The following DENND4A variants were observed in gnomAD, a reference collection of about 807,000 sequenced individuals.
DENND4A encodes the protein C-myc promoter-binding protein.
DENND4A carries 70 observed loss-of-function variants against 199.3 expected under a neutral mutation model. The ratio of observed to expected loss-of-function variants is 0.35; its 90% CI spans 0.29 to 0.43. The LOEUF (loss-of-function observed/expected upper bound fraction) is 0.43, where lower values mean the gene tolerates loss of function less well. Ranked by LOEUF, DENND4A falls within the 20% of genes least tolerant of loss-of-function variation. The probability of loss-of-function intolerance (pLI) is 1.00; values close to 1 mark genes in which losing one functional copy is unlikely to be tolerated. For synonymous variants in DENND4A, 686 were observed against 766.9 expected (o/e 0.89, Z 1.74); for missense variants, 1,723 against 2,255.8 (o/e 0.76, Z 4.78).
chr15:65,779,851 T>A (rs1306789318), intron 1 of DENND4A, among the ~76,000 whole-genome samples: 1 of 152,174 alleles, frequency 6.6e-6, no homozygotes, highest in East Asian at 1.9e-4. Flanking sequence ...GGTTTTGCCA[T>A]GTTGGCCAGG....
Position 65,741,917 on chromosome 15 carries a change from G to A in DENND4A, c.562-133C>T, listed in dbSNP as rs370749972. Reference sequence around the variant, plus strand: ...AATTTCCCTCTGCTAGCTATTTTCAGTTGGCTGTTTTGTCAATATTTTATT... The same window carrying A: ...AATTTCCCTCTGCTAGCTATTTTCAATTGGCTGTTTTGTCAATATTTTATT... On this transcript the variant is annotated intron_variant, in intron 4 of 32. Transcript: ENST00000443035. 490 of 572,490 alleles carry A rather than the reference G, an allele frequency of 8.6e-4. 8 individuals are homozygous for A. In the South Asian group the frequency reaches 0.015, roughly 17 times the overall value. The allele number at this position is 572,490 out of a possible 1,614,324, so 35.5% of individuals were successfully genotyped here.
Position 65,661,680 on chromosome 15 carries a change from C to G in DENND4A, c.*171G>C. 6.2e-6 allele frequency: 3 copies of G among 483,630 alleles called. No individual in the cohort carries two copies. The highest frequency in any genetic ancestry group is 1.0e-5 in the Non-Finnish European group (3 of 294,892). 30.0% of individuals were successfully genotyped at this position (483,630 alleles called of 1,614,324 possible). A position where few individuals can be genotyped will look rare whatever the true frequency, so the allele number is the denominator to read the frequency against. ...GAGAAACAAAGTGGCTTTCTCCCCA[C>G]TTGTCACTATTCTCTTCTTCAAACA... On this transcript the variant is annotated 3_prime_UTR_variant, in exon 33 of 33. Transcript: ENST00000443035.
chr15:65,709,133 A>G (rs951913219), intron 14 of DENND4A, among the ~76,000 whole-genome samples: 2 of 152,222 alleles, frequency 1.3e-5, no homozygotes, highest in Non-Finnish European at 2.9e-5. Flanking sequence ...CTAAACTGCC[A>G]GAGGTAAGAG....
intron 14 of DENND4A, among the ~76,000 whole-genome samples, chr15:65,707,159 T>G (rs552932476): frequency 1.3e-5 from 2 of 152,124 alleles, no homozygotes; most frequent in Non-Finnish European, 2.9e-5. Context: ...ACTTTGGTAG[T>G]ACTATTTCCA....
At chr15:65,718,057 A>G (rs912035021) in intron 12 of DENND4A, 61 bp from the exon 13 acceptor site, 1 of 1,255,322 alleles carries the variant, frequency 8.0e-7, no homozygotes, top group African/African-American at 1.5e-5. Flanking sequence ...TGATGGTACC[A>G]ATATAATTTT....
rs1340961604 is a variant in DENND4A, at chr15:65,756,460, CAGA to C, written c.-13_-11del. 3 of 1,589,318 alleles carry C rather than the reference CAGA, an allele frequency of 1.9e-6. No homozygotes were observed. Among genetic ancestry groups the C allele is most frequent in the African/African-American group, 1.4e-5 (1 of 73,642 alleles). On this transcript the variant is annotated 5_prime_UTR_variant, in exon 3 of 33. Coordinates refer to ENST00000443035, the MANE Select transcript of DENND4A (RefSeq NM_001320835.1). ...CCTTGTCTTCAATCATCTTCCATTA[CAGA>C]AGGTTACATCTAAAAGGAAAGTAAA...
intron 1 of DENND4A, among the ~76,000 whole-genome samples, chr15:65,786,673 G>A (rs980766183): frequency 4.6e-5 from 7 of 152,174 alleles, no homozygotes; most frequent in African/African-American, 1.4e-4. Flanking sequence ...TGTGATAGAT[G>A]AGGACACTGA....
intron 1 of DENND4A, among the ~76,000 whole-genome samples, chr15:65,789,475 C>G (rs561530973): frequency 6.7e-6 from 1 of 150,100 alleles, no homozygotes; most frequent in Admixed American, 6.6e-5. Flanking sequence ...CCCACAAATT[C>G]TACTGAATAA....
intron 24 of DENND4A, among the ~76,000 whole-genome samples, chr15:65,675,388 C>A (rs920381152): frequency 2.0e-4 from 31 of 151,898 alleles, no homozygotes; most frequent in African/African-American, 7.3e-4. Flanking sequence ...CCTTTTCTAG[C>A]AACTCACAAT....
Position 65,664,350 on chromosome 15 carries a change from C to T in DENND4A, c.5567G>A (p.Gly1856Glu). The T allele has an allele frequency of 6.3e-7, 1 of 1,597,052 alleles. No homozygotes were observed. Among genetic ancestry groups the T allele is most frequent in the South Asian group, 1.1e-5 (1 of 89,190 alleles). ...ATTACCTATATCAATGTTTTCTCTT[C>T]CCAGTGCCACAAGTGAGAGAAATAG... Reference protein sequence around the residue: ...EILFLSLVALGRENIDIDAFD... With the variant: ...EILFLSLVALERENIDIDAFD... The change falls in exon 32 of 33, where the codon GGA becomes GAA. Residue 1856 changes from glycine (G) to glutamate (E), a missense_variant. Coordinates refer to ENST00000443035, the MANE Select transcript of DENND4A (RefSeq NM_001320835.1).
At chr15:65,735,584 G>A (rs1373035959) in intron 7 of DENND4A, among the ~76,000 whole-genome samples, 4 of 152,142 alleles carry the variant, frequency 2.6e-5, no homozygotes. Context: ...GTAAAAGAGT[G>A]TCAATATTGG....
At chr15:65,756,595 A>ATTG in intron 2 of DENND4A, 123 bp from the exon 3 acceptor site, 1 of 569,588 alleles carries the variant, frequency 1.8e-6, no homozygotes, top group Non-Finnish European at 3.0e-6. Flanking sequence ...ACACAGTAGC[A>ATTG]TTGTATATTT....
Position 65,690,600 on chromosome 15 carries a change from T to C in DENND4A, c.3994A>G (p.Thr1332Ala). Residue 1332 changes from threonine (T) to alanine (A), a missense_variant, in exon 23 of 33, where the codon ACT (threonine) becomes GCT (alanine). This residue lies in a region of DENND4A where 650 missense variants were observed against 738.1 expected (regional missense o/e 0.88). Transcript: ENST00000443035. ...RLWSSPAFSP[T>A]CPFREESQDT... ...TGAGATTCTTCCCTAAATGGGCAAG[T>C]AGGTGAGAAGGCTGGAGAAGACCAA... is the stretch of plus-strand genomic sequence containing the variant. 6.2e-7 allele frequency: 1 copy of C among 1,613,636 alleles called. No individual in the cohort carries two copies.
intron 19 of DENND4A, among the ~76,000 whole-genome samples, 186 bp from the exon 20 acceptor site, chr15:65,700,861 C>T (rs919181328): frequency 5.9e-5 from 9 of 152,128 alleles, no homozygotes; most frequent in Admixed American, 1.3e-4. Flanking sequence ...ACACAAAGGT[C>T]GTCAGAAGTT....
At chr15:65,759,473 A>G (rs1163384306) in intron 2 of DENND4A, among the ~76,000 whole-genome samples, 1 of 152,080 alleles carries the variant, frequency 6.6e-6, no homozygotes, top group Non-Finnish European at 1.5e-5. Context: ...GCGAGACTCC[A>G]TCTGGAAAAA....
At chr15:65,700,793 G>T in intron 19 of DENND4A, 118 bp from the exon 20 acceptor site, 1 of 1,106,600 alleles carries the variant, frequency 9.0e-7, no homozygotes, top group Non-Finnish European at 1.2e-6. Context: ...CACATACTTA[G>T]CAAAATACAA....
chr15:65,685,015 G>T (rs972423058), intron 23 of DENND4A, among the ~76,000 whole-genome samples: 1 of 151,560 alleles, frequency 6.6e-6, no homozygotes, highest in African/African-American at 2.4e-5. Context: ...TAGTAGAAAC[G>T]GGGGTTTCAC....
At chr15:65,740,700 C>T (rs2076237711) in intron 5 of DENND4A, among the ~76,000 whole-genome samples, 1 of 151,792 alleles carries the variant, frequency 6.6e-6, no homozygotes, top group Non-Finnish European at 1.5e-5. Flanking sequence ...GTGGCCCTCA[C>T]CTGTAATCCC....
At chr15:65,695,623 A>C (rs1210864897) in intron 22 of DENND4A, among the ~76,000 whole-genome samples, 1 of 152,190 alleles carries the variant, frequency 6.6e-6, no homozygotes, top group East Asian at 1.9e-4. Context: ...CATGTTCTTC[A>C]ATATTTTTTA....
Sources: allele counts gnomAD v4.1 joint callset (sites outside exome capture counted in the v4.1 genomes callset), GRCh38; gene constraint gnomAD v4.1.1; regional missense constraint gnomAD v4.1.1; transcripts MANE v1.5; gene names NCBI Gene and HGNC (gene_info 2026-07-23, HGNC 2026-07-21).